Variants in CKS1B observed in about 807,000 individuals in gnomAD.
CKS1B encodes CDC28 protein kinase regulatory subunit 1B.
A neutral mutation model predicts 12.2 loss-of-function variants in CKS1B; 5 were observed. The ratio of observed to expected loss-of-function variants is 0.41; its 90% confidence interval spans 0.21 to 0.86. The LOEUF is 0.86. CKS1B is among the 40% of genes least tolerant of loss of function. The pLI, the probability that CKS1B is intolerant of heterozygous loss-of-function variation, is 0.32. For synonymous variants in CKS1B, 24 were observed against 34.4 expected (o/e 0.70, Z 1.06); for missense variants, 53 against 99.9 (o/e 0.53, Z 2.00).
At chr1:154,975,094 A>G in intron 1 of CKS1B, 1 of 683,206 alleles carries the variant, frequency 1.5e-6, no homozygotes, top group Non-Finnish European at 2.6e-6. Flanking sequence ...TCATTCTCTG[A>G]ACTTTATCGG....
Position 154,974,775 on chromosome 1 carries a change from C to T in CKS1B, c.30C>T (p.Asp10=). ...CGCACAAACAAATTTACTATTCGGA[C>T]AAATACGACGACGAGGAGTTTGAGT... MSHKQIYYS[D]KYDDEEFEYR... Residue 10 remains aspartate, a synonymous_variant, in exon 1 of 3, where the codon GAC becomes GAT. Transcript: ENST00000308987. 1.9e-6 allele frequency: 3 copies of T among 1,613,218 alleles called. No individual in the cohort carries two copies. Among genetic ancestry groups the T allele is most frequent in the South Asian group, 1.1e-5 (1 of 90,980 alleles).
intron 1 of CKS1B, chr1:154,975,019 T>TA: frequency 1.5e-6 from 2 of 1,303,978 alleles, no homozygotes; most frequent in Admixed American, 1.7e-5. Flanking sequence ...CGCCTCTCAG[T>TA]AGAGAGGAGA....
chr1:154,974,902 A>C, intron 1 of CKS1B, 98 bp downstream of exon 1: 1 of 1,614,048 alleles, frequency 6.2e-7, no homozygotes, highest in Non-Finnish European at 8.5e-7. Context: ...GAATTGGCGC[A>C]TGCGTACGAG....
intron 2 of CKS1B, 116 bp from the exon 3 acceptor site, chr1:154,978,609 T>G: frequency 1.2e-6 from 1 of 836,412 alleles, no homozygotes; most frequent in East Asian, 2.6e-5. Flanking sequence ...GCTTAAGTCT[T>G]TATTTAGTTA....
chr1:154,974,989 A>T, intron 1 of CKS1B, 185 bp downstream of exon 1: 1 of 1,577,982 alleles, frequency 6.3e-7, no homozygotes, highest in Non-Finnish European at 8.7e-7. Context: ...CGTAAAACAA[A>T]GTGGTTGCGA....
At chr1:154,977,881 C>A in intron 1 of CKS1B, 106 bp from the exon 2 acceptor site, 1 of 1,239,392 alleles carries the variant, frequency 8.1e-7, no homozygotes, top group Admixed American at 2.7e-5. Context: ...ACTCTGACAT[C>A]AAAAACCAGT....
intron 1 of CKS1B, among the ~76,000 whole-genome samples, chr1:154,976,544 C>T (rs1340571003): frequency 6.6e-6 from 1 of 152,204 alleles, no homozygotes; most frequent in African/African-American, 2.4e-5. Flanking sequence ...CGGCTCCAGA[C>T]CCTCCTTTAA....
At chr1:154,977,467 A>G (rs1299519901) in intron 1 of CKS1B, 1 of 152,100 alleles carries the variant, frequency 6.6e-6, no homozygotes, top group Non-Finnish European at 1.5e-5. Context: ...ATCTTTTTCA[A>G]ACTCCTGGGT....
intron 2 of CKS1B, 36 bp downstream of exon 2, chr1:154,978,150 G>A: frequency 6.3e-7 from 1 of 1,593,330 alleles, no homozygotes; most frequent in Non-Finnish European, 8.6e-7. Context: ...ATATAGAACT[G>A]CTACACTGAG....
At chr1:154,977,678 G>T in intron 1 of CKS1B, 1 of 269,268 alleles carries the variant, frequency 3.7e-6, no homozygotes, top group Non-Finnish European at 7.0e-6. Flanking sequence ...TGTGTGCTCC[G>T]TGGGGCTCCC....
chr1:154,974,917 G>A (rs770708890), intron 1 of CKS1B, 113 bp downstream of exon 1: 3 of 1,613,908 alleles, frequency 1.9e-6, no homozygotes, highest in East Asian at 2.2e-5. Context: ...TACGAGGTGC[G>A]AACGGGCAAT....
At chr1:154,976,427 G>A (rs1374634736) in intron 1 of CKS1B, among the ~76,000 whole-genome samples, 1 of 152,198 alleles carries the variant, frequency 6.6e-6, no homozygotes, top group African/African-American at 2.4e-5. Flanking sequence ...AACATAAAAT[G>A]AAAACTTGCT....
At chr1:154,975,063 T>C in intron 1 of CKS1B, 1 of 834,210 alleles carries the variant, frequency 1.2e-6, no homozygotes, top group Non-Finnish European at 2.0e-6. Context: ...CTGACCACCC[T>C]CACCCATGAG....
chr1:154,976,316 G>C (rs1347420970), intron 1 of CKS1B, among the ~76,000 whole-genome samples: 1 of 152,190 alleles, frequency 6.6e-6, no homozygotes, highest in Non-Finnish European at 1.5e-5. Context: ...TGGGAATAAG[G>C]GAAGACACAG....
Position 154,974,781 on chromosome 1 carries a change from C to A in CKS1B, c.36C>A (p.Tyr12Ter), listed in dbSNP as rs1367817309. The part of the protein sequence containing the change: ...SHKQIYYSDK[Y>*]DDEEFEYRHV... ...AACAAATTTACTATTCGGACAAATA[C>A]GACGACGAGGAGTTTGAGTATCGGT... Residue 12 changes from tyrosine (Y) to a stop codon, truncating the protein, a stop_gained, in exon 1 of 3, where the codon TAC (tyrosine) becomes TAA (stop). Coordinates refer to ENST00000308987, the MANE Select transcript of CKS1B (RefSeq NM_001826.3). LOFTEE classifies it high-confidence loss of function. 6.2e-7 allele frequency: 1 copy of A among 1,613,550 alleles called. No homozygotes were observed. Among genetic ancestry groups the A allele is most frequent in the Non-Finnish European group, 8.5e-7 (1 of 1,179,742 alleles).
rs529130254 is a variant in CKS1B, at chr1:154,975,396, A to T, written c.59+592A>T. On this transcript the variant is annotated intron_variant, in intron 1 of 2. Transcript: ENST00000308987. ...CCTTTAAATATCAAAGGGAACAGTT[A>T]CGGAATACTTAACAGGTTTCAGGTG... The T allele has an allele frequency of 1.5e-5, 3 of 197,512 alleles. No individual in the cohort carries two copies. In the East Asian group the frequency reaches 3.9e-4, roughly 26 times the overall value. The allele number at this position is 197,512 out of a possible 1,614,324, so 12.2% of individuals were successfully genotyped here. A position where few individuals can be genotyped will look rare whatever the true frequency, so the allele number is the denominator to read the frequency against.
chr1:154,978,960 C>T lies in CKS1B; in HGVS notation c.*183C>T. On this transcript the variant is annotated 3_prime_UTR_variant, in exon 3 of 3. Transcript: ENST00000308987. ...TTGAGTAGAGCCACCACCACCATAG[C>T]CCAGCCAGATGAGTGCTCTGTGGAC... The T allele has an allele frequency of 5.1e-6, 3 of 591,778 alleles. No homozygotes were observed. The highest frequency in any genetic ancestry group is 6.1e-6 in the Non-Finnish European group (2 of 328,626). The allele number at this position is 591,778 out of a possible 1,614,324, so 36.7% of individuals were successfully genotyped here.
chr1:154,977,874 C>G, intron 1 of CKS1B, 113 bp from the exon 2 acceptor site: 1 of 1,057,564 alleles, frequency 9.5e-7, no homozygotes, highest in South Asian at 1.9e-5. Flanking sequence ...TATATAAACT[C>G]TGACATCAAA....
At chr1:154,978,702 T>A in intron 2 of CKS1B, 23 bp from the exon 3 acceptor site, 1 of 1,611,838 alleles carries the variant, frequency 6.2e-7, no homozygotes, top group Non-Finnish European at 8.5e-7. Flanking sequence ...AGCTTGTCTC[T>A]TAGATTTCCC....
Sources: gnomAD v4.1 joint callset for allele counts (sites outside exome capture counted in the v4.1 genomes callset) on GRCh38, gnomAD v4.1.1 for gene constraint, MANE v1.5 for transcripts, NCBI Gene and HGNC (gene_info 2026-07-23, HGNC 2026-07-21) for gene names.